MSR1: variants seen among roughly 807,000 people sequenced by gnomAD.
MSR1 encodes the protein macrophage scavenger receptor types I and II.
In MSR1, 53 loss-of-function variants were observed where a neutral mutation model predicts 47.2. The ratio of observed to expected loss-of-function variants is 1.12; its 90% CI spans 0.90 to 1.41. The LOEUF is 1.41. MSR1 is among the 40% of genes most tolerant of loss of function. The pLI is 0.00. For missense variants in MSR1, 786 were observed against 546.9 expected (o/e 1.44, Z -4.36); for synonymous variants, 239 against 185.6 (o/e 1.29, Z -2.34).
chr8:16,190,051 T>C (rs2116953744), intron 1 of MSR1, among the ~76,000 whole-genome samples: 1 of 151,378 alleles, frequency 6.6e-6, no homozygotes, highest in African/African-American at 2.4e-5. Flanking sequence ...AGTAGCGGGA[T>C]TATAGGCGTT....
intron 1 of MSR1, among the ~76,000 whole-genome samples, chr8:16,182,528 C>T (rs1801863883): frequency 6.6e-6 from 1 of 151,746 alleles, no homozygotes; most frequent in Admixed American, 6.6e-5. Flanking sequence ...TAATTTCTTT[C>T]TAAACAGCTT....
intron 8 of MSR1, among the ~76,000 whole-genome samples, chr8:16,124,893 G>C (rs189533557): frequency 0.013 from 1,906 of 152,198 alleles, 46 homozygotes; most frequent in African/African-American, 0.042. Context: ...ATTGGCAAAT[G>C]CTTAAAATAT....
In MSR1 at chr8:16,171,990, G is replaced by A. The variant is rs188439104; in HGVS notation, c.218-3120C>T. 3.7e-3 allele frequency among the ~76,000 whole-genome samples: 570 copies of A among 152,190 alleles called. 5 individuals are homozygous for A. The highest frequency in any genetic ancestry group is 0.037 in the Middle Eastern group (11 of 294). ...GTAATAAGCACTTGAAAAGTTTCAG[G>A]TTTTTGCTATGATTAATATTTGGAT... On this transcript the variant is annotated intron_variant, in intron 3 of 9. Coordinates refer to ENST00000262101, the MANE Select transcript of MSR1 (RefSeq NM_138715.3).
chr8:16,189,044 G>C (rs1199056138), intron 1 of MSR1, among the ~76,000 whole-genome samples: 1 of 140,392 alleles, frequency 7.1e-6, no homozygotes, highest in Non-Finnish European at 1.5e-5. Context: ...GCAAAGACTT[G>C]CTTATATATA....
chr8:16,147,502 A>G (rs972144285), intron 7 of MSR1, among the ~76,000 whole-genome samples: 2 of 152,180 alleles, frequency 1.3e-5, no homozygotes, highest in Non-Finnish European at 2.9e-5. Context: ...CCAGGCTGTG[A>G]AAAAATTACA....
At chr8:16,189,014 A>ATG (rs1802085895) in intron 1 of MSR1, among the ~76,000 whole-genome samples, 1 of 146,040 alleles carries the variant, frequency 6.8e-6, no homozygotes, top group Non-Finnish European at 1.5e-5. Flanking sequence ...ACATATATAT[A>ATG]TGTGTTGAAT....
chr8:16,144,282 G>C (rs1277017218), intron 7 of MSR1, among the ~76,000 whole-genome samples: 1 of 152,072 alleles, frequency 6.6e-6, no homozygotes, highest in Non-Finnish European at 1.5e-5. Flanking sequence ...CATTTTTAAA[G>C]GGGTGTGCAG....
At chr8:16,143,649 G>A (rs1455919671) in intron 7 of MSR1, 38 bp from the exon 8 acceptor site, 16 of 1,527,296 alleles carry the variant, frequency 1.0e-5, no homozygotes, top group African/African-American at 1.4e-5. Context: ...TTTAATCAGG[G>A]CAATTCACAA....
Position 16,171,256 on chromosome 8 carries a change from T to G in MSR1, c.218-2386A>C, listed in dbSNP as rs1801478840. On this transcript the variant is annotated intron_variant, in intron 3 of 9. Transcript: ENST00000262101. ...AAAAAAAAAAAAAAAAAAAAGAAGC[T>G]GTTTGATAAGCATTACTACTGTAGC... Among the ~76,000 whole-genome samples the G allele has an allele frequency of 2.0e-5, 3 of 148,842 alleles. No individual in the cohort carries two copies. The Admixed American group carries it at 2.0e-4, about 10-fold the overall frequency.
chr8:16,187,479 C>T (rs961571249), intron 1 of MSR1, among the ~76,000 whole-genome samples: 1 of 151,880 alleles, frequency 6.6e-6, no homozygotes, highest in Non-Finnish European at 1.5e-5. Flanking sequence ...TTGTCTTCCC[C>T]ACCCTGGCTT....
chr8:16,158,607 T>C (rs1223133188), intron 5 of MSR1, among the ~76,000 whole-genome samples: 1 of 152,018 alleles, frequency 6.6e-6, no homozygotes, highest in Non-Finnish European at 1.5e-5. Context: ...TCTTCTAGTC[T>C]ATTGCTGCCT....
At chr8:16,137,481 C>T (rs753514236) in intron 8 of MSR1, among the ~76,000 whole-genome samples, 1 of 152,058 alleles carries the variant, frequency 6.6e-6, no homozygotes, top group Non-Finnish European at 1.5e-5. Flanking sequence ...TTTCTCTTTG[C>T]ATACCCTCCA....
chr8:16,180,174 T>A (rs76336000), intron 1 of MSR1, among the ~76,000 whole-genome samples: 2,022 of 152,028 alleles, frequency 0.013, 46 homozygotes, highest in African/African-American at 0.045. Context: ...CCCTTCTCTC[T>A]TCTCTCATTC....
At chr8:16,141,224 C>T (rs1225417078) in intron 8 of MSR1, 3 of 652,186 alleles carry the variant, frequency 4.6e-6, no homozygotes, top group Non-Finnish European at 7.9e-6. Context: ...TTTTAGCAGC[C>T]ATTTACAATA....
chr8:16,144,964 ATTTC>A (rs1800659387), intron 7 of MSR1, among the ~76,000 whole-genome samples: 1 of 148,144 alleles, frequency 6.8e-6, no homozygotes, highest in East Asian at 2.2e-4. Flanking sequence ...GTCATTATGT[ATTTC>A]TTAGAGAAGA....
chr8:16,139,893 A>T (rs1362364555), intron 8 of MSR1: 1 of 430,738 alleles, frequency 2.3e-6, no homozygotes, highest in Non-Finnish European at 3.0e-6. Flanking sequence ...TATTCTAAGG[A>T]ATTAAAATTT....
chr8:16,151,638 A>G (rs534490609), intron 6 of MSR1, among the ~76,000 whole-genome samples: 12 of 152,284 alleles, frequency 7.9e-5, no homozygotes, highest in African/African-American at 2.9e-4. Context: ...CAATATAAGT[A>G]CAGTTACATG....
chr8:16,114,483 A>G (rs1031867643), intron 9 of MSR1, among the ~76,000 whole-genome samples: 1 of 152,102 alleles, frequency 6.6e-6, no homozygotes, highest in African/African-American at 2.4e-5. Context: ...TCTTGGAGGT[A>G]CCACTGTTGT....
intron 6 of MSR1, among the ~76,000 whole-genome samples, chr8:16,153,751 C>T (rs1261888970): frequency 6.6e-6 from 1 of 151,910 alleles, no homozygotes; most frequent in Non-Finnish European, 1.5e-5. Context: ...AGTTATAAAG[C>T]TCTGACAATT....
Sources: gnomAD v4.1 joint callset for allele counts (sites outside exome capture counted in the v4.1 genomes callset) on GRCh38, gnomAD v4.1.1 for gene constraint, MANE v1.5 for transcripts, NCBI Gene and HGNC (gene_info 2026-07-23, HGNC 2026-07-21) for gene names.